Variants in CCDC150 observed in about 807,000 individuals in gnomAD.
CCDC150 encodes coiled-coil domain containing 150.
Under a neutral mutation model 156.5 loss-of-function variants are expected in CCDC150, and 151 were observed. The observed-to-expected ratio is 0.97, with a 90% CI of 0.85 to 1.10. The LOEUF is 1.10. Ranked by LOEUF, CCDC150 falls within the 50% of genes least tolerant of loss-of-function variation. The pLI is 0.00. For missense variants in CCDC150, 1,312 were observed against 1,268.1 expected, an observed-to-expected ratio of 1.03 and a Z score of -0.53; for synonymous variants, 452 against 429.4, an observed-to-expected ratio of 1.05 and a Z score of -0.65.
At chr2:196,653,242 G>A (rs1182761814) in intron 2 of CCDC150, among the ~76,000 whole-genome samples, 1 of 152,150 alleles carries the variant, frequency 6.6e-6, no homozygotes, top group East Asian at 1.9e-4. Context: ...CTACCACATG[G>A]CTAGGCTGTA....
At chr2:196,665,273 T>C (rs927862414) in intron 5 of CCDC150, among the ~76,000 whole-genome samples, 5 of 152,202 alleles carry the variant, frequency 3.3e-5, no homozygotes, top group Admixed American at 3.3e-4. Flanking sequence ...TTCTACTCTT[T>C]TATTTTTTCC....
In CCDC150 at chr2:196,688,364, T is replaced by G. The variant is rs1695238755; in HGVS notation, c.1510-6682T>G. 4.6e-5 allele frequency among the ~76,000 whole-genome samples: 7 copies of G among 152,194 alleles called. No individual in the cohort carries two copies. The South Asian group carries it at 1.5e-3, about 32-fold the overall frequency. On this transcript the variant is annotated intron_variant, in intron 13 of 27. Coordinates refer to ENST00000389175, the MANE Select transcript of CCDC150 (RefSeq NM_001080539.2). ...TATTTTATTCTTTTTGTGGCAACTG[T>G]GAATGGGAGTTCATTCATGATTTGG...
In CCDC150 at chr2:196,729,797, T is replaced by C. The variant is rs1382587355; in HGVS notation, c.2756T>C (p.Ile919Thr). ...NAQNIERMKQ[I>T]EKELKQMELI... ...TTATTTTCCAATTACTTTTAGCAAA[T>C]AGAAAAAGAATTGAAGCAAATGGAG... Residue 919 changes from isoleucine (I) to threonine (T), a missense_variant, in exon 24 of 28, where the codon ATA becomes ACA. Coordinates refer to ENST00000389175, the MANE Select transcript of CCDC150 (RefSeq NM_001080539.2). The C allele has an allele frequency of 3.2e-6, 5 of 1,561,454 alleles. No individual in the cohort carries two copies. Among genetic ancestry groups the C allele is most frequent in the Non-Finnish European group, 4.4e-6 (5 of 1,142,744 alleles).
intron 13 of CCDC150, among the ~76,000 whole-genome samples, chr2:196,691,866 G>A (rs1695500984): frequency 6.6e-6 from 1 of 152,060 alleles, no homozygotes; most frequent in Non-Finnish European, 1.5e-5. Flanking sequence ...GCTTGAACCT[G>A]GGAGTCGGAG....
In CCDC150 at chr2:196,676,033, G is replaced by A. The variant is rs1315464655; in HGVS notation, c.1138-110G>A. 6.0e-6 allele frequency: 6 copies of A among 997,646 alleles called. No individual in the cohort carries two copies. In the Admixed American group the frequency reaches 1.5e-4, roughly 25 times the overall value. 61.8% of individuals were successfully genotyped at this position (997,646 alleles called of 1,614,324 possible). A position where few individuals can be genotyped will look rare whatever the true frequency, so the allele number is the denominator to read the frequency against. ...AAAAAGAGGTTTTATTTATGTAAAT[G>A]AAACTTGTTTTTTTAAGTTAGTTCA... On this transcript the variant is annotated intron_variant, in intron 10 of 27. Transcript: ENST00000389175.
intron 13 of CCDC150, among the ~76,000 whole-genome samples, chr2:196,691,059 T>G (rs1222711920): frequency 9.1e-6 from 1 of 109,890 alleles, no homozygotes; most frequent in African/African-American, 3.1e-5. Flanking sequence ...GTAGCCTACT[T>G]GATCATGGCA....
At chr2:196,668,207 G>C (rs1447983988) in intron 7 of CCDC150, among the ~76,000 whole-genome samples, 2 of 148,832 alleles carry the variant, frequency 1.3e-5, no homozygotes, top group African/African-American at 5.0e-5. Flanking sequence ...CTGAAACAGA[G>C]AATCGCTTGA....
rs1277693056 is a variant in CCDC150, at chr2:196,639,764, C to T, written c.-3C>T. The T allele has an allele frequency of 5.7e-6, 9 of 1,576,392 alleles. No individual in the cohort carries two copies. The highest frequency in any genetic ancestry group is 1.4e-5 in the African/African-American group (1 of 73,524). The stretch of plus-strand genomic sequence containing the variant: ...GCTGCAGTACGGAGCCTCAGGCGGA[C>T]AGATGGACTGTAAGGTGAGGCTGCC... On this transcript the variant is annotated 5_prime_UTR_variant, in exon 1 of 28. Transcript: ENST00000389175.
chr2:196,692,592 C>T (rs1355412436), intron 13 of CCDC150, among the ~76,000 whole-genome samples: 2 of 152,188 alleles, frequency 1.3e-5, no homozygotes, highest in East Asian at 1.9e-4. Context: ...ACCCAGGAGT[C>T]ATTCAGGAGC....
chr2:196,713,513 A>G, intron 17 of CCDC150: 2 of 1,550,568 alleles, frequency 1.3e-6, no homozygotes, highest in Non-Finnish European at 1.7e-6. Flanking sequence ...CTTTGCACCT[A>G]ACCTGCCTTC....
rs763151164 is a variant in CCDC150 at position 196,674,227 on chromosome 2, G to A, written c.1030-14G>A. 9 of 1,488,006 alleles carry A rather than the reference G, an allele frequency of 6.0e-6. No homozygotes were observed. The East Asian group carries it at 1.9e-4, about 31-fold the overall frequency. 92.2% of individuals were successfully genotyped at this position (1,488,006 alleles called of 1,614,324 possible). On this transcript the variant is annotated splice_polypyrimidine_tract_variant and intron_variant, in intron 9 of 27. Transcript: ENST00000389175. ...ATTGGAGAGACCAATGACTTGCTGT[G>A]TGTGTTTTCTTAGGTTTTGAATGAC...
chr2:196,702,382 G>A (rs1054019560), intron 15 of CCDC150, among the ~76,000 whole-genome samples: 2 of 76,208 alleles, frequency 2.6e-5, no homozygotes, highest in African/African-American at 6.8e-5. Context: ...TGTGTGAGAT[G>A]AGGTCTCACT....
At chr2:196,648,469 T>C (rs1048975578) in intron 2 of CCDC150, among the ~76,000 whole-genome samples, 1 of 152,122 alleles carries the variant, frequency 6.6e-6, no homozygotes, top group African/African-American at 2.4e-5. Flanking sequence ...TTTTTGTCCA[T>C]GTTTAAAAAA....
intron 2 of CCDC150, among the ~76,000 whole-genome samples, chr2:196,652,089 C>T (rs1251899029): frequency 6.6e-6 from 1 of 152,210 alleles, no homozygotes; most frequent in Non-Finnish European, 1.5e-5. Flanking sequence ...CCAGGCCTTA[C>T]CTCCAACAAT....
chr2:196,642,274 T>C (rs1482938162), intron 1 of CCDC150, among the ~76,000 whole-genome samples: 9 of 152,218 alleles, frequency 5.9e-5, no homozygotes, highest in Admixed American at 5.9e-4. Flanking sequence ...GTAGATTGTT[T>C]TCATGTAAGA....
intron 21 of CCDC150, among the ~76,000 whole-genome samples, chr2:196,724,319 A>T (rs1409023042): frequency 6.6e-6 from 1 of 152,196 alleles, no homozygotes; most frequent in Non-Finnish European, 1.5e-5. Context: ...TTGAAGTGCT[A>T]TGTAGGGGCT....
intron 15 of CCDC150, among the ~76,000 whole-genome samples, chr2:196,707,253 G>C (rs1398337200): frequency 2.6e-5 from 4 of 152,118 alleles, no homozygotes; most frequent in Non-Finnish European, 5.9e-5. Context: ...TATGTGTCCA[G>C]GAATTTATCC....
chr2:196,695,250 G>C (rs2125653175), intron 14 of CCDC150, 91 bp downstream of exon 14: 1 of 612,250 alleles, frequency 1.6e-6, no homozygotes, highest in African/African-American at 1.9e-5. Context: ...GGTTTTCTTT[G>C]TGTTTTCATA....
intron 23 of CCDC150, 111 bp downstream of exon 23, chr2:196,729,498 G>A (rs1698411501): frequency 3.0e-6 from 3 of 1,005,742 alleles, no homozygotes; most frequent in Admixed American, 2.3e-5. Context: ...TGTATTCTCT[G>A]GGAATTATAG....
Sources: gnomAD v4.1 joint callset for allele counts (sites outside exome capture counted in the v4.1 genomes callset) on GRCh38, gnomAD v4.1.1 for gene constraint, MANE v1.5 for transcripts, NCBI Gene and HGNC (gene_info 2026-07-23, HGNC 2026-07-21) for gene names.